Variants in PTPRN2 observed in about 807,000 individuals in gnomAD.
PTPRN2 encodes receptor-type tyrosine-protein phosphatase N2.
PTPRN2 carries 74 observed loss-of-function variants against 118.8 expected under a neutral mutation model. That is an observed-to-expected ratio of 0.62 (90% CI 0.52 to 0.76). The LOEUF (loss-of-function observed/expected upper bound fraction) is 0.76. PTPRN2 is among the 30% of genes least tolerant of loss of function. The pLI, the probability that PTPRN2 is intolerant of heterozygous loss-of-function variation, is 0.00. For missense variants in PTPRN2, 1,481 were observed against 1,394.4 expected, an observed-to-expected ratio of 1.06 and a Z score of -0.99; for synonymous variants, 641 against 608.0, an observed-to-expected ratio of 1.05 and a Z score of -0.80.
chr7:158,066,308 C>T (rs1048276699), intron 11 of PTPRN2, among the ~76,000 whole-genome samples: 5 of 152,234 alleles, frequency 3.3e-5, no homozygotes, highest in African/African-American at 1.2e-4. Flanking sequence ...CAAACAGCCA[C>T]CCTTCTGGCT....
intron 6 of PTPRN2, among the ~76,000 whole-genome samples, chr7:158,155,919 G>A (rs1227976758): frequency 6.6e-6 from 1 of 152,216 alleles, no homozygotes; most frequent in African/African-American, 2.4e-5. Flanking sequence ...ATTTGCAGAG[G>A]ATTCAGGTAA....
intron 12 of PTPRN2, among the ~76,000 whole-genome samples, chr7:157,879,022 G>A (rs1249040882): frequency 1.4e-5 from 2 of 144,646 alleles, no homozygotes; most frequent in Non-Finnish European, 3.0e-5. Flanking sequence ...GGAAGGGTCA[G>A]TGTGATACCG....
At chr7:158,355,205 C>T (rs965770895) in intron 2 of PTPRN2, among the ~76,000 whole-genome samples, 3 of 152,150 alleles carry the variant, frequency 2.0e-5, no homozygotes, top group Admixed American at 1.3e-4. Flanking sequence ...AAAAATACAT[C>T]GAATGGGGCA....
At chr7:157,823,274 A>C (rs1806966138) in intron 12 of PTPRN2, among the ~76,000 whole-genome samples, 1 of 152,270 alleles carries the variant, frequency 6.6e-6, no homozygotes, top group African/African-American at 2.4e-5. Context: ...AAGCCTGGCA[A>C]AATAACAAAT....
chr7:158,394,876 ATCGTCAC>A (rs1419425521), intron 2 of PTPRN2, among the ~76,000 whole-genome samples: 2 of 152,188 alleles, frequency 1.3e-5, no homozygotes, highest in African/African-American at 4.8e-5. Flanking sequence ...AAGAGACCGA[ATCGTCAC>A]AGGGACAGTG....
At chr7:157,643,449 G>A (rs907339095) in intron 14 of PTPRN2, among the ~76,000 whole-genome samples, 1 of 152,240 alleles carries the variant, frequency 6.6e-6, no homozygotes. Flanking sequence ...GACACTCTCT[G>A]CCTGTGTCAC....
intron 11 of PTPRN2, among the ~76,000 whole-genome samples, chr7:158,035,349 G>T (rs1248339404): frequency 6.6e-6 from 1 of 152,232 alleles, no homozygotes; most frequent in Non-Finnish European, 1.5e-5. Flanking sequence ...AAAGGGACAG[G>T]CACAAATTTT....
chr7:158,016,619 C>T (rs1806478112), intron 11 of PTPRN2, among the ~76,000 whole-genome samples: 1 of 152,210 alleles, frequency 6.6e-6, no homozygotes, highest in Admixed American at 6.5e-5. Flanking sequence ...CCCGAGTCTC[C>T]TTGGAGTCAG....
intron 6 of PTPRN2, among the ~76,000 whole-genome samples, chr7:158,155,439 CCATCACCAACACCAT>C (rs1252939270): frequency 1.3e-5 from 2 of 151,596 alleles, no homozygotes; most frequent in Non-Finnish European, 2.9e-5. Context: ...AGTAGCACCA[CCATCACCAACACCAT>C]CATCACCATC....
chr7:157,629,709 G>A lies in PTPRN2; in HGVS notation c.2197-8200C>T, dbSNP rs763911381. 2.0e-5 allele frequency among the ~76,000 whole-genome samples: 3 copies of A among 152,220 alleles called. No individual in the cohort carries two copies. The highest frequency in any genetic ancestry group is 1.9e-4 in the East Asian group (1 of 5,192). ...ACTTCTTCCCACTGTAGAACAAGGC[G>A]TGTTAAAGAAAGCTGGGCTTTGGGG... On this transcript the variant is annotated intron_variant, in intron 14 of 22. Coordinates refer to ENST00000389418, the MANE Select transcript of PTPRN2 (RefSeq NM_002847.5). The surrounding 1 kb of genome is among the most constrained non-coding windows in gnomAD (Gnocchi z 4.4).
intron 11 of PTPRN2, among the ~76,000 whole-genome samples, chr7:158,066,451 G>A (rs968817699): frequency 6.6e-6 from 1 of 152,244 alleles, no homozygotes; most frequent in Non-Finnish European, 1.5e-5. Context: ...AAGCTGTGCT[G>A]CTTCCTTTCC....
chr7:158,020,598 G>C (rs1806801516), intron 11 of PTPRN2, among the ~76,000 whole-genome samples: 1 of 152,166 alleles, frequency 6.6e-6, no homozygotes, highest in South Asian at 2.1e-4. Context: ...AAGCAGTCAG[G>C]GGCTGGGGCA....
At chr7:157,715,959 C>T (rs567309700) in intron 12 of PTPRN2, among the ~76,000 whole-genome samples, 277 of 152,348 alleles carry the variant, frequency 1.8e-3, no homozygotes, top group Middle Eastern at 3.4e-3. Flanking sequence ...TGGGGTTCCA[C>T]GCTCTGATCT....
chr7:157,765,853 T>TC (rs1554439565), intron 12 of PTPRN2, among the ~76,000 whole-genome samples: 1 of 128,984 alleles, frequency 7.8e-6, no homozygotes, highest in African/African-American at 3.0e-5. Flanking sequence ...ACTCATCCAC[T>TC]CATCCATCCA....
At position 158,146,630 on chromosome 7, in the gene PTPRN2, A is replaced by C. The variant is rs555611715; in HGVS notation, c.911-8115T>G. Among the ~76,000 whole-genome samples the C allele has an allele frequency of 1.3e-4, 20 of 149,868 alleles. 1 individual carries two copies. The highest frequency in any genetic ancestry group is 3.4e-3 in the Middle Eastern group (1 of 294). Reference sequence around the variant, plus strand: ...CAGCTACTCAGGAGCCTGAGGCAGAAGAATGGTGTGAACCCAGGAGGCGGA... The same window carrying C: ...CAGCTACTCAGGAGCCTGAGGCAGACGAATGGTGTGAACCCAGGAGGCGGA... On this transcript the variant is annotated intron_variant, in intron 6 of 22. Coordinates refer to ENST00000389418, the MANE Select transcript of PTPRN2 (RefSeq NM_002847.5).
chr7:158,106,880 A>G (rs1358580484), intron 10 of PTPRN2, among the ~76,000 whole-genome samples: 1 of 152,164 alleles, frequency 6.6e-6, no homozygotes, highest in African/African-American at 2.4e-5. Context: ...AGATTATCTA[A>G]TTCTCCTTCA....
At chr7:157,982,216 G>GCC (rs1563296010) in intron 11 of PTPRN2, among the ~76,000 whole-genome samples, 10 of 142,878 alleles carry the variant, frequency 7.0e-5, no homozygotes, top group Admixed American at 1.5e-4. Flanking sequence ...GAGTCACAGA[G>GCC]ATGAGGAGGG....
chr7:157,697,288 C>T (rs899434771), intron 12 of PTPRN2, among the ~76,000 whole-genome samples: 2 of 145,322 alleles, frequency 1.4e-5, no homozygotes, highest in Admixed American at 1.4e-4. Context: ...ACCATCTACC[C>T]ATGCATACTG....
intron 11 of PTPRN2, among the ~76,000 whole-genome samples, chr7:158,051,567 A>T (rs1809327475): frequency 6.6e-6 from 1 of 152,212 alleles, no homozygotes; most frequent in Non-Finnish European, 1.5e-5. Context: ...TGTCTGTCTC[A>T]GGAAGCTGGA....
Sources: gnomAD v4.1 joint callset for allele counts (sites outside exome capture counted in the v4.1 genomes callset) on GRCh38, gnomAD v4.1.1 for gene constraint, Gnocchi (gnomAD v3.1) non-coding constraint, MANE v1.5 for transcripts, NCBI Gene and HGNC (gene_info 2026-07-23, HGNC 2026-07-21) for gene names.